Variants in ADGRB3 observed in about 807,000 individuals in gnomAD.
The protein encoded by ADGRB3 is brain-specific angiogenesis inhibitor 3.
A neutral mutation model predicts 193.4 loss-of-function variants in ADGRB3; 37 were observed. That is an observed-to-expected ratio of 0.19 (90% CI 0.15 to 0.25). ADGRB3 has a LOEUF of 0.25. Ranked by LOEUF, ADGRB3 falls within the 10% of genes least tolerant of loss-of-function variation. The pLI, the probability that ADGRB3 is intolerant of heterozygous loss-of-function variation, is 1.00. For synonymous variants in ADGRB3, 690 were observed against 644.2 expected (o/e 1.07, Z -1.08); for missense variants, 1,637 against 1,852.9 (o/e 0.88, Z 2.14).
chr6:69,198,430 GA>G (rs1434677792), intron 17 of ADGRB3, among the ~76,000 whole-genome samples: 2 of 152,052 alleles, frequency 1.3e-5, no homozygotes. Context: ...CTAGTCTGAA[GA>G]AAAAGTAGGG....
At chr6:68,741,019 A>C (rs907175768) in intron 3 of ADGRB3, among the ~76,000 whole-genome samples, 1 of 152,186 alleles carries the variant, frequency 6.6e-6, no homozygotes, top group Non-Finnish European at 1.5e-5. Flanking sequence ...AGAAGAATAC[A>C]GAATGAGCTT....
chr6:69,320,711 A>G (rs1164521210), intron 20 of ADGRB3, among the ~76,000 whole-genome samples: 2 of 151,418 alleles, frequency 1.3e-5, no homozygotes, highest in African/African-American at 4.8e-5. Flanking sequence ...TGTCAATCTG[A>G]TTCTGATTTC....
At chr6:68,667,936 G>A (rs1364284787) in intron 3 of ADGRB3, among the ~76,000 whole-genome samples, 2 of 151,468 alleles carry the variant, frequency 1.3e-5, no homozygotes, top group East Asian at 1.9e-4. Context: ...CACCAGCCTC[G>A]GACCTACATA....
chr6:69,030,508 C>A (rs964688794), intron 13 of ADGRB3, among the ~76,000 whole-genome samples: 5 of 152,112 alleles, frequency 3.3e-5, no homozygotes, highest in Admixed American at 2.6e-4. Context: ...AGCAAACTAA[C>A]ACAAGAACAG....
At chr6:69,235,813 A>G (rs1228649033) in intron 19 of ADGRB3, among the ~76,000 whole-genome samples, 1 of 152,046 alleles carries the variant, frequency 6.6e-6, no homozygotes, top group Non-Finnish European at 1.5e-5. Context: ...TGATTGTGTT[A>G]CTAAGAATTA....
chr6:69,340,356 T>C (rs1768948524), intron 26 of ADGRB3, among the ~76,000 whole-genome samples: 1 of 152,142 alleles, frequency 6.6e-6, no homozygotes, highest in Admixed American at 6.5e-5. Context: ...GGTTTATGAG[T>C]CATTTTAGCA....
rs570862727 is a variant in ADGRB3 at position 68,994,038 on chromosome 6, C to T, written c.1929+76C>T. The T allele has an allele frequency of 1.4e-5, 21 of 1,452,080 alleles. No individual in the cohort carries two copies. The Admixed American group carries it at 2.8e-4, about 19-fold the overall frequency. The allele number at this position is 1,452,080 out of a possible 1,614,324, so 89.9% of individuals were successfully genotyped here. ...TTTTGGTCCCACGAAGCCAGTGCAG[C>T]CGTCTTGGAGGCGGACTGGAGGAAG... On this transcript the variant is annotated intron_variant, in intron 11 of 31. Transcript: ENST00000370598.
At chr6:69,319,448 AAG>A (rs1768395454) in intron 20 of ADGRB3, among the ~76,000 whole-genome samples, 2 of 151,340 alleles carry the variant, frequency 1.3e-5, no homozygotes, top group Admixed American at 6.6e-5. Context: ...ATTACAAAGA[AAG>A]AATGTTAACC....
At chr6:69,257,106 A>C (rs1421374328) in intron 20 of ADGRB3, among the ~76,000 whole-genome samples, 5 of 152,126 alleles carry the variant, frequency 3.3e-5, no homozygotes, top group Admixed American at 1.3e-4. Flanking sequence ...TCGGTTTGCC[A>C]GTATTTTATT....
chr6:69,031,571 C>CTCTCTCT (rs1337493560), intron 13 of ADGRB3, among the ~76,000 whole-genome samples: 2 of 106,840 alleles, frequency 1.9e-5, no homozygotes, highest in Non-Finnish European at 1.9e-5. Flanking sequence ...TTCTTTTCTT[C>CTCTCTCT]CTCTGTCTCT....
At chr6:69,263,889 A>T (rs1452489514) in intron 20 of ADGRB3, among the ~76,000 whole-genome samples, 1 of 151,988 alleles carries the variant, frequency 6.6e-6, no homozygotes, top group Non-Finnish European at 1.5e-5. Context: ...AGCCGAGCAA[A>T]ACTCAGCTTC....
chr6:69,335,072 A>G (rs1768817933), intron 24 of ADGRB3, among the ~76,000 whole-genome samples: 1 of 152,182 alleles, frequency 6.6e-6, no homozygotes, highest in South Asian at 2.1e-4. Context: ...CATCCAAGAC[A>G]TGAAGGTCAT....
intron 3 of ADGRB3, among the ~76,000 whole-genome samples, chr6:68,695,783 G>C (rs1765146693): frequency 6.6e-6 from 1 of 151,906 alleles, no homozygotes. Context: ...TGCTGGCTCT[G>C]TCATACAACA....
chr6:69,068,601 C>T (rs189641121), intron 16 of ADGRB3, among the ~76,000 whole-genome samples: 202 of 152,214 alleles, frequency 1.3e-3, no homozygotes, highest in African/African-American at 4.5e-3. Flanking sequence ...CATGTAAAAA[C>T]GTCCTGATGA....
intron 3 of ADGRB3, among the ~76,000 whole-genome samples, chr6:68,646,406 G>T (rs1002948924): frequency 1.7e-4 from 26 of 151,068 alleles, no homozygotes; most frequent in African/African-American, 6.3e-4. Context: ...GAACCCAGGA[G>T]GAGGAGGTTG....
chr6:69,140,471 T>C lies in ADGRB3; in HGVS notation c.2480+64433T>C, dbSNP rs543045334. Among the ~76,000 whole-genome samples the C allele has an allele frequency of 2.0e-5, 3 of 152,252 alleles. No individual in the cohort carries two copies. In the South Asian group the frequency reaches 6.2e-4, roughly 32 times the overall value. On this transcript the variant is annotated intron_variant, in intron 17 of 31. Transcript: ENST00000370598. ...CTCATGAAGGTAGAGAGTAGAATGA[T>C]GATTACTAGAAGCTGGGAGAGCTGG...
intron 3 of ADGRB3, among the ~76,000 whole-genome samples, chr6:68,883,198 C>G (rs767593569): frequency 1.3e-5 from 2 of 152,180 alleles, no homozygotes; most frequent in Non-Finnish European, 2.9e-5. Flanking sequence ...TGTGTCTAAT[C>G]TGGTGAGGAC....
intron 16 of ADGRB3, among the ~76,000 whole-genome samples, chr6:69,065,250 A>AG (rs1455896278): frequency 6.6e-6 from 1 of 152,156 alleles, no homozygotes; most frequent in African/African-American, 2.4e-5. Flanking sequence ...GAGAATAGAA[A>AG]GAGGAACAAT....
In ADGRB3 at chr6:68,768,726, A is replaced by C. The variant is rs558098546; in HGVS notation, c.757+129294A>C. On this transcript the variant is annotated intron_variant, in intron 3 of 31. Coordinates refer to ENST00000370598, the MANE Select transcript of ADGRB3 (RefSeq NM_001704.3). Reference sequence around the variant, plus strand: ...TAAACTAAAGAGCTTCTGGACAGCAAAACAAACTATCATCAGGGTGAACAG... The same window carrying C: ...TAAACTAAAGAGCTTCTGGACAGCACAACAAACTATCATCAGGGTGAACAG... 3.9e-5 allele frequency among the ~76,000 whole-genome samples: 6 copies of C among 152,332 alleles called. No homozygotes were observed. The South Asian group carries it at 1.0e-3, about 26-fold the overall frequency.
Sources: gnomAD v4.1 joint callset for allele counts (sites outside exome capture counted in the v4.1 genomes callset) on GRCh38, gnomAD v4.1.1 for gene constraint, MANE v1.5 for transcripts, NCBI Gene and HGNC (gene_info 2026-07-23, HGNC 2026-07-21) for gene names.